WIPF1: variants seen among roughly 807,000 people sequenced by gnomAD.
WIPF1 encodes WAS/WASL interacting protein family member 1, also known as WAS/WASL-interacting protein family member 1.
Under a neutral mutation model 35.4 loss-of-function variants are expected in WIPF1, and 13 were observed. The observed-to-expected ratio is 0.37, with a 90% CI of 0.24 to 0.58. The LOEUF (loss-of-function observed/expected upper bound fraction) is 0.58, where lower values mean the gene tolerates loss of function less well. Ranked by LOEUF, WIPF1 falls within the 20% of genes least tolerant of loss-of-function variation. The pLI is 0.74. For missense variants in WIPF1, 591 were observed against 667.0 expected (o/e 0.89, Z 1.25); for synonymous variants, 267 against 266.3 (o/e 1.00, Z -0.02).
At chr2:174,604,383 T>C (rs1686093605) in intron 1 of WIPF1, among the ~76,000 whole-genome samples, 2 of 152,260 alleles carry the variant, frequency 1.3e-5, no homozygotes, top group South Asian at 2.1e-4. Context: ...TTTTTATGTA[T>C]ATGCGCAATG....
intron 1 of WIPF1, among the ~76,000 whole-genome samples, chr2:174,615,042 G>T (rs558869560): frequency 7.9e-5 from 12 of 152,216 alleles, no homozygotes; most frequent in Admixed American, 7.2e-4. Context: ...ATTCTACTCT[G>T]GATTCTGTGA....
At chr2:174,593,458 A>C (rs528375395) in intron 1 of WIPF1, among the ~76,000 whole-genome samples, 1 of 152,378 alleles carries the variant, frequency 6.6e-6, no homozygotes, top group East Asian at 1.9e-4. Context: ...ATCATCGAGC[A>C]AACTCAAATT....
At chr2:174,666,562 T>C (rs889265907) in intron 1 of WIPF1, among the ~76,000 whole-genome samples, 3 of 152,264 alleles carry the variant, frequency 2.0e-5, no homozygotes, top group South Asian at 2.1e-4. Context: ...TTAGTTTACA[T>C]TGGAGCTGGG....
At chr2:174,583,772 C>A (rs1205598071) in intron 2 of WIPF1, among the ~76,000 whole-genome samples, 1 of 152,140 alleles carries the variant, frequency 6.6e-6, no homozygotes, top group African/African-American at 2.4e-5. Flanking sequence ...GCTATGTAAG[C>A]CAGATTGGAG....
chr2:174,581,543 T>A, intron 2 of WIPF1, 104 bp from the exon 3 acceptor site: 1 of 1,449,112 alleles, frequency 6.9e-7, no homozygotes, highest in South Asian at 1.3e-5. Flanking sequence ...TTGTTAAGGT[T>A]CTTGGTGATA....
At chr2:174,612,023 G>A (rs1686363504) in intron 1 of WIPF1, among the ~76,000 whole-genome samples, 1 of 152,068 alleles carries the variant, frequency 6.6e-6, no homozygotes, top group African/African-American at 2.4e-5. Context: ...TGAGTAGCTG[G>A]GACTACAGGT....
exon 1 of WIPF1, chr2:174,682,866 C>G (rs1386356025): frequency 6.6e-6 from 1 of 152,126 alleles, no homozygotes; most frequent in South Asian, 1.8e-4. Context: ...CTGAGCCGGG[C>G]GGGCAGGAAA....
chr2:174,593,849 A>G (rs1209399841), intron 1 of WIPF1, among the ~76,000 whole-genome samples: 7 of 152,182 alleles, frequency 4.6e-5, no homozygotes, highest in Non-Finnish European at 8.8e-5. Flanking sequence ...CGTTTCTATT[A>G]TTGCTACTCT....
At chr2:174,588,554 T>C (rs1286592423) in intron 1 of WIPF1, among the ~76,000 whole-genome samples, 2 of 152,162 alleles carry the variant, frequency 1.3e-5, no homozygotes, top group African/African-American at 4.8e-5. Flanking sequence ...GTTGCTGCTG[T>C]TTTAGTACTG....
At chr2:174,597,555 T>C (rs921192835) in intron 1 of WIPF1, 46 bp downstream of exon 1, 1 of 152,582 alleles carries the variant, frequency 6.6e-6, no homozygotes, top group Non-Finnish European at 1.5e-5. Flanking sequence ...TTCTTCCCTG[T>C]AGCTGATAAA....
intron 1 of WIPF1, among the ~76,000 whole-genome samples, chr2:174,620,641 C>T (rs745735068): frequency 2.0e-5 from 3 of 152,182 alleles, no homozygotes; most frequent in Admixed American, 1.3e-4. Context: ...TATACTATGG[C>T]CAGACCCTGT....
In WIPF1 at chr2:174,590,935, C is replaced by G. The variant is rs1000620087; in HGVS notation, c.-38-5324G>C. On this transcript the variant is annotated intron_variant, in intron 1 of 7. Coordinates refer to ENST00000679041, the MANE Select transcript of WIPF1 (RefSeq NM_001375834.1). This position sits in a 1 kb window ranked among gnomAD's most constrained non-coding sequence, Gnocchi z 4.6. ...TTGTTTTCACATACAGTATTACGGT[C>G]TGAACTATGTCCCCTGCAAAAGTGA... Among the ~76,000 whole-genome samples, 2 of 152,184 alleles carry G rather than the reference C, an allele frequency of 1.3e-5. No individual in the cohort carries two copies. The highest frequency in any genetic ancestry group is 2.4e-5 in the African/African-American group (1 of 41,434).
At chr2:174,578,473 G>A (rs1685134640) in intron 3 of WIPF1, among the ~76,000 whole-genome samples, 3 of 152,126 alleles carry the variant, frequency 2.0e-5, no homozygotes, top group Admixed American at 1.3e-4. Flanking sequence ...ATTTAATAAA[G>A]TTTTTATCTT....
At chr2:174,575,126 T>C in intron 4 of WIPF1, 78 bp downstream of exon 4, 1 of 1,471,670 alleles carries the variant, frequency 6.8e-7, no homozygotes, top group Non-Finnish European at 9.3e-7. Context: ...CGAAGAGCCT[T>C]AGAGGCTATG....
At chr2:174,679,482 A>T (rs975799832) in intron 1 of WIPF1, among the ~76,000 whole-genome samples, 8 of 151,370 alleles carry the variant, frequency 5.3e-5, no homozygotes, top group Non-Finnish European at 1.0e-4. Flanking sequence ...AAAAAAAAAA[A>T]GGTGAAGATA....
intron 1 of WIPF1, among the ~76,000 whole-genome samples, chr2:174,678,312 C>G (rs906318240): frequency 3.4e-4 from 52 of 152,298 alleles, no homozygotes; most frequent in African/African-American, 1.2e-3. Flanking sequence ...GCAACATATT[C>G]CTTCAATGTG....
At chr2:174,600,206 G>C (rs1444152678), upstream of WIPF1, among the ~76,000 whole-genome samples, 1 of 152,190 alleles carries the variant, frequency 6.6e-6, no homozygotes, top group African/African-American at 2.4e-5. Flanking sequence ...AGCTCACTTA[G>C]AAGGGAGTAT....
intron 1 of WIPF1, among the ~76,000 whole-genome samples, chr2:174,595,112 ATATATATATATAT>A (rs1685770071): frequency 2.0e-5 from 1 of 49,236 alleles, no homozygotes; most frequent in Non-Finnish European, 3.6e-5. Flanking sequence ...AAAAAAAAAT[ATATATATATATAT>A]ATATATATAT....
chr2:174,656,982 C>T (rs1574863601), intron 1 of WIPF1, among the ~76,000 whole-genome samples: 1 of 152,366 alleles, frequency 6.6e-6, no homozygotes, highest in African/African-American at 2.4e-5. Flanking sequence ...TATGCACATA[C>T]ACCCCCTAGA....
Sources: gnomAD v4.1 joint callset for allele counts (sites outside exome capture counted in the v4.1 genomes callset) on GRCh38, gnomAD v4.1.1 for gene constraint, Gnocchi (gnomAD v3.1) non-coding constraint, MANE v1.5 for transcripts, NCBI Gene and HGNC (gene_info 2026-07-23, HGNC 2026-07-21) for gene names.